Variants in MEF2C observed in about 807,000 individuals in gnomAD.
The protein encoded by MEF2C is myocyte-specific enhancer factor 2C.
In MEF2C, 6 loss-of-function variants were observed where a neutral mutation model predicts 50.5. The ratio of observed to expected loss-of-function variants is 0.12; its 90% CI spans 0.07 to 0.23. The LOEUF (loss-of-function observed/expected upper bound fraction) is 0.23. Among genes scored for constraint, MEF2C ranks in the 10% least tolerant of loss-of-function variants. The pLI, the probability that MEF2C is intolerant of heterozygous loss-of-function variation, is 1.00. For missense variants in MEF2C, 276 were observed against 605.0 expected, an observed-to-expected ratio of 0.46 and a Z score of 5.70; for synonymous variants, 183 against 228.0, an observed-to-expected ratio of 0.80 and a Z score of 1.78.
chr5:88,826,362 T>C (rs1810846255), intron 1 of MEF2C, among the ~76,000 whole-genome samples: 1 of 151,984 alleles, frequency 6.6e-6, no homozygotes, highest in African/African-American at 2.4e-5. Flanking sequence ...TAAATATTTC[T>C]TGAGGTATTG....
At chr5:88,869,313 AT>A (rs1222398987) in intron 1 of MEF2C, among the ~76,000 whole-genome samples, 3 of 97,396 alleles carry the variant, frequency 3.1e-5, no homozygotes, top group Non-Finnish European at 4.0e-5. Context: ...ATATATATAT[AT>A]ACACATATAG....
chr5:88,762,098 T>C (rs617944), intron 3 of MEF2C, among the ~76,000 whole-genome samples: 72,449 of 152,010 alleles, frequency 0.48, 18,609 homozygotes, highest in East Asian at 0.59. Flanking sequence ...GGGTTCCTCC[T>C]AGTTTTTCAG....
intron 1 of MEF2C, chr5:88,824,427 C>T (rs1477196961): frequency 1.2e-6 from 1 of 834,640 alleles, no homozygotes; most frequent in Non-Finnish European, 1.4e-6. Flanking sequence ...TATGAAAGTG[C>T]TATTTGATAT....
chr5:88,726,504 G>C (rs1758838817), intron 10 of MEF2C, among the ~76,000 whole-genome samples: 1 of 152,254 alleles, frequency 6.6e-6, no homozygotes. Flanking sequence ...TTGTGAGAGG[G>C]AGAAAAGAGT....
At chr5:88,762,583 A>AT (rs35398049) in intron 3 of MEF2C, among the ~76,000 whole-genome samples, 72,191 of 151,138 alleles carry the variant, frequency 0.48, 18,506 homozygotes, top group East Asian at 0.59. Context: ...TATTATTATT[A>AT]TTTTTTTTTA....
chr5:88,822,480 A>T (rs1043403840), intron 2 of MEF2C, among the ~76,000 whole-genome samples: 1 of 152,030 alleles, frequency 6.6e-6, no homozygotes, highest in Non-Finnish European at 1.5e-5. Flanking sequence ...CTAAACATGC[A>T]GCCAAAAATA....
intron 6 of MEF2C, chr5:88,739,509 A>G (rs1765576728): frequency 1.0e-6 from 1 of 977,812 alleles, no homozygotes; most frequent in Non-Finnish European, 1.2e-6. Flanking sequence ...TTTGTGCCTC[A>G]AATGAACATA....
intron 6 of MEF2C, chr5:88,740,246 G>C: frequency 3.1e-6 from 3 of 978,668 alleles, no homozygotes; most frequent in Non-Finnish European, 3.6e-6. Context: ...GTGTGTGTGT[G>C]TGTGTGTGTG....
At chr5:88,735,407 T>C in intron 6 of MEF2C, 1 of 985,270 alleles carries the variant, frequency 1.0e-6, no homozygotes, top group Non-Finnish European at 1.2e-6. Context: ...GACGTGACTG[T>C]ATGCAGATGT....
At chr5:88,811,065 C>A (rs1367583276) in intron 2 of MEF2C, among the ~76,000 whole-genome samples, 1 of 152,068 alleles carries the variant, frequency 6.6e-6, no homozygotes, top group Non-Finnish European at 1.5e-5. Flanking sequence ...TCCTACTGAT[C>A]TTTTTGTTTG....
chr5:88,873,313 T>G (rs1830086522), intron 1 of MEF2C, among the ~76,000 whole-genome samples: 1 of 152,088 alleles, frequency 6.6e-6, no homozygotes, highest in Non-Finnish European at 1.5e-5. Flanking sequence ...CATTGGGCTG[T>G]GATGAACCAC....
chr5:88,766,676 A>C, intron 3 of MEF2C: 1 of 985,406 alleles, frequency 1.0e-6, no homozygotes, highest in Non-Finnish European at 1.2e-6. Flanking sequence ...AACCTGGAGA[A>C]ACCCCCAAAT....
chr5:88,879,016 C>T, intron 1 of MEF2C, among the ~76,000 whole-genome samples: 1 of 151,940 alleles, frequency 6.6e-6, no homozygotes, highest in Non-Finnish European at 1.5e-5. Flanking sequence ...TGCCACAAAT[C>T]CACTCAGATG....
intron 1 of MEF2C, among the ~76,000 whole-genome samples, chr5:88,865,103 C>T (rs1826875296): frequency 6.6e-6 from 1 of 152,012 alleles, no homozygotes; most frequent in African/African-American, 2.4e-5. Context: ...CACTATGTTG[C>T]CCAGGCTGGT....
chr5:88,850,019 T>C (rs1034462330), intron 1 of MEF2C, among the ~76,000 whole-genome samples: 4 of 152,166 alleles, frequency 2.6e-5, no homozygotes, highest in African/African-American at 4.8e-5. Context: ...ATGTGCCATG[T>C]TGGTGTGCTG....
chr5:88,822,315 A>G (rs755114336), intron 2 of MEF2C, among the ~76,000 whole-genome samples: 7 of 151,966 alleles, frequency 4.6e-5, no homozygotes, highest in Non-Finnish European at 7.4e-5. Context: ...TCAATATTTC[A>G]GTCTTAATTT....
At chr5:88,883,668 CT>C, upstream of MEF2C, 1 of 152,246 alleles carries the variant, frequency 6.6e-6, no homozygotes. Context: ...TTCGCGCTGC[CT>C]TTTTCTCTCC....
At chr5:88,755,155 T>C (rs923569981) in intron 4 of MEF2C, among the ~76,000 whole-genome samples, 3 of 152,200 alleles carry the variant, frequency 2.0e-5, no homozygotes, top group Admixed American at 6.5e-5. Flanking sequence ...CTACTTCTTA[T>C]TATACGAACT....
chr5:88,885,422 A>G (rs1833966333), upstream of MEF2C, among the ~76,000 whole-genome samples: 1 of 152,204 alleles, frequency 6.6e-6, no homozygotes, highest in Admixed American at 6.5e-5. Context: ...CCCTTTTATT[A>G]TAGGAATGCA....
Sources: allele counts gnomAD v4.1 joint callset (sites outside exome capture counted in the v4.1 genomes callset), GRCh38; gene constraint gnomAD v4.1.1; transcripts MANE v1.5; gene names NCBI Gene and HGNC (gene_info 2026-07-23, HGNC 2026-07-21).